Variants in GOLGB1 observed in about 807,000 individuals in gnomAD.
GOLGB1 encodes golgin B1.
A neutral mutation model predicts 336.9 loss-of-function variants in GOLGB1; 174 were observed. That is an observed-to-expected ratio of 0.52 (90% confidence interval 0.46 to 0.59). GOLGB1 has a LOEUF of 0.59. Among genes scored for constraint, GOLGB1 ranks in the 20% least tolerant of loss-of-function variants. GOLGB1 has a pLI of 0.00. For missense variants in GOLGB1, 3,331 were observed against 3,645.3 expected, an observed-to-expected ratio of 0.91 and a Z score of 2.22; for synonymous variants, 1,208 against 1,289.2, an observed-to-expected ratio of 0.94 and a Z score of 1.35.
chr3:121,677,210 AAAC>A, intron 16 of GOLGB1, 72 bp downstream of exon 16: 4 of 1,348,316 alleles, frequency 3.0e-6, no homozygotes, highest in Non-Finnish European at 4.1e-6. Flanking sequence ...CTTAAAAAAA[AAAC>A]AAAACCCTGC....
intron 1 of GOLGB1, among the ~76,000 whole-genome samples, chr3:121,746,453 CTTTATTTATTTA>C (rs10530584): frequency 2.7e-5 from 4 of 150,854 alleles, no homozygotes; most frequent in Admixed American, 1.3e-4. Flanking sequence ...ATTTAACTCA[CTTTATTTATTTA>C]TTTATTTATT....
intron 1 of GOLGB1, among the ~76,000 whole-genome samples, chr3:121,747,281 ATATGTATATATATG>A (rs1947384351): frequency 1.5e-5 from 2 of 135,636 alleles, no homozygotes; most frequent in African/African-American, 5.7e-5. Flanking sequence ...ATATATGTAT[ATATGTATATATATG>A]TGTATATATG....
intron 5 of GOLGB1, among the ~76,000 whole-genome samples, chr3:121,726,016 T>C (rs1239481394): frequency 1.3e-5 from 2 of 150,234 alleles, no homozygotes; most frequent in Non-Finnish European, 3.0e-5. Context: ...TCTGTTATTA[T>C]AAATTAAAAA....
At chr3:121,735,200 T>C (rs1946396064) in intron 1 of GOLGB1, among the ~76,000 whole-genome samples, 1 of 152,216 alleles carries the variant, frequency 6.6e-6, no homozygotes, top group African/African-American at 2.4e-5. Flanking sequence ...TTCTGTATGA[T>C]CTTGAAGTAG....
In GOLGB1 at chr3:121,697,473, A is replaced by C; in HGVS notation, c.3050T>G (p.Leu1017Trp). The change falls in exon 13 of 22, where the codon TTG (leucine) becomes TGG (tryptophan). Residue 1017 changes from leucine to tryptophan, a missense_variant. Leu to Trp is a moderately conservative substitution (Grantham distance 61, BLOSUM62 -2). Transcript: ENST00000614479. ...TTTCAAGTTGGCTAATTCTTCTTCC[A>C]ATCTACTGACTCTTTGCAGAAGCTC... is the stretch of plus-strand genomic sequence containing the variant. ...RKELLQRVSR[L>W]EEELANLKDE... 6.2e-7 allele frequency: 1 copy of C among 1,611,250 alleles called. No individual in the cohort carries two copies. The highest frequency in any genetic ancestry group is 1.1e-5 in the South Asian group (1 of 90,410).
In GOLGB1 at chr3:121,666,402, T is replaced by C. The variant is rs559895941; in HGVS notation, c.9554+1074A>G. Among the ~76,000 whole-genome samples the C allele has an allele frequency of 4.6e-5, 7 of 152,244 alleles. 1 individual carries two copies. In the South Asian group the frequency reaches 1.0e-3, roughly 23 times the overall value. ...CACAAGAGGGAGATCAACCTCCCCA[T>C]TGGCCAGGTTTCACCGGTCTAAACA... On this transcript the variant is annotated intron_variant, in intron 20 of 21. Transcript: ENST00000614479.
At chr3:121,687,841 C>G (rs1941905243) in intron 14 of GOLGB1, among the ~76,000 whole-genome samples, 1 of 152,186 alleles carries the variant, frequency 6.6e-6, no homozygotes, top group Non-Finnish European at 1.5e-5. Context: ...CTTTGAGGCA[C>G]ATACCATCCT....
intron 14 of GOLGB1, among the ~76,000 whole-genome samples, chr3:121,687,044 A>T (rs963109507): frequency 6.6e-6 from 1 of 152,180 alleles, no homozygotes; most frequent in African/African-American, 2.4e-5. Flanking sequence ...GAGCCGAGGC[A>T]GGTGGATCAC....
At chr3:121,701,220 C>A (rs1349755420) in intron 11 of GOLGB1, among the ~76,000 whole-genome samples, 1 of 152,084 alleles carries the variant, frequency 6.6e-6, no homozygotes, top group Non-Finnish European at 1.5e-5. Flanking sequence ...CAGGAAAGAG[C>A]AAAGGAATGG....
chr3:121,677,533 G>A, intron 15 of GOLGB1, 83 bp from the exon 16 acceptor site: 1 of 878,468 alleles, frequency 1.1e-6, no homozygotes, highest in Non-Finnish European at 1.8e-6. Flanking sequence ...TCAGCACTTT[G>A]CTTATCTTCA....
At chr3:121,669,060 C>T in intron 18 of GOLGB1, 152 bp downstream of exon 18, 4 of 709,102 alleles carry the variant, frequency 5.6e-6, no homozygotes, top group South Asian at 2.0e-5. Context: ...TTTCTCAGAC[C>T]TTATTCCCAT....
At chr3:121,680,992 C>T (rs1158867440) in intron 15 of GOLGB1, among the ~76,000 whole-genome samples, 1 of 152,084 alleles carries the variant, frequency 6.6e-6, no homozygotes, top group Non-Finnish European at 1.5e-5. Flanking sequence ...GCAATTATCC[C>T]AAAGAAATGA....
chr3:121,713,337 T>G (rs1262176920), intron 10 of GOLGB1, among the ~76,000 whole-genome samples: 1 of 152,136 alleles, frequency 6.6e-6, no homozygotes, highest in East Asian at 1.9e-4. Context: ...GCAGTTTGAT[T>G]CATAATAGCC....
At position 121,696,947 on chromosome 3, in the gene GOLGB1, G is replaced by A; in HGVS notation, c.3576C>T (p.Arg1192=). ...QKKLQEALTS[R]KAILKKAQEK... ...CCTGTGCCTTTTTAAGAATTGCCTT[G>A]CGGGAGGTTAAGGCTTCCTGTAGCT... is the stretch of plus-strand genomic sequence containing the variant. Residue 1192 remains arginine, a synonymous_variant, in exon 13 of 22, where the codon CGC becomes CGT. Coordinates refer to ENST00000614479, the MANE Select transcript of GOLGB1 (RefSeq NM_001366282.2). 1 of 1,613,930 alleles carries A rather than the reference G, an allele frequency of 6.2e-7. No individual in the cohort carries two copies. The highest frequency in any genetic ancestry group is 8.5e-7 in the Non-Finnish European group (1 of 1,179,938).
intron 1 of GOLGB1, among the ~76,000 whole-genome samples, chr3:121,746,816 G>T (rs1004874167): frequency 1.3e-5 from 2 of 151,922 alleles, no homozygotes; most frequent in African/African-American, 4.8e-5. Flanking sequence ...GCAAGAGGGA[G>T]TACCGTCAAT....
intron 1 of GOLGB1, among the ~76,000 whole-genome samples, chr3:121,734,941 C>T (rs1317537677): frequency 6.6e-6 from 1 of 152,216 alleles, no homozygotes; most frequent in Admixed American, 6.5e-5. Flanking sequence ...CACATCCAAA[C>T]AATGGAATAC....
Position 121,698,114 on chromosome 3 carries a change from G to A in GOLGB1, c.2409C>T (p.Ile803=). The A allele has an allele frequency of 1.2e-6, 2 of 1,613,868 alleles. No individual in the cohort carries two copies. Among genetic ancestry groups the A allele is most frequent in the Non-Finnish European group, 8.5e-7 (1 of 1,179,918 alleles). The change falls in exon 13 of 22, where the codon ATC becomes ATT. Residue 803 remains isoleucine, a synonymous_variant. Transcript: ENST00000614479. ...TAHDNLLTEQ[I]HSLSIEAKSK... is the part of the protein sequence containing the mutation. ...ATTTGGCTTCTATGCTGAGACTATG[G>A]ATCTGTTCAGTGAGCAGGTTGTCAT...
chr3:121,689,258 G>A (rs1303790912), intron 14 of GOLGB1, among the ~76,000 whole-genome samples: 1 of 152,244 alleles, frequency 6.6e-6, no homozygotes, highest in Admixed American at 6.5e-5. Flanking sequence ...TGCCATGTCT[G>A]TGTAGAAAGA....
At chr3:121,725,060 G>A (rs555203904) in intron 5 of GOLGB1, among the ~76,000 whole-genome samples, 2 of 152,274 alleles carry the variant, frequency 1.3e-5, no homozygotes, top group South Asian at 4.1e-4. Flanking sequence ...ATAGCCAGGG[G>A]GCTCAGGCAG....
Sources: allele counts gnomAD v4.1 joint callset (sites outside exome capture counted in the v4.1 genomes callset), GRCh38; gene constraint gnomAD v4.1.1; transcripts MANE v1.5; gene names NCBI Gene and HGNC (gene_info 2026-07-23, HGNC 2026-07-21).